The following PTPRD variants were observed in gnomAD, a reference collection of about 807,000 sequenced individuals.
The protein encoded by PTPRD is receptor-type tyrosine-protein phosphatase delta.
PTPRD carries 34 observed loss-of-function variants against 214.5 expected under a neutral mutation model. The ratio of observed to expected loss-of-function variants is 0.16; its 90% confidence interval spans 0.12 to 0.21. PTPRD has a LOEUF of 0.21. Ranked by LOEUF, PTPRD falls within the 10% of genes least tolerant of loss-of-function variation. The probability of loss-of-function intolerance (pLI) is 1.00; values close to 1 mark genes in which losing one functional copy is unlikely to be tolerated. For missense variants in PTPRD, 2,545 were observed against 2,398.7 expected (o/e 1.06, Z -1.27); for synonymous variants, 1,128 against 845.7 (o/e 1.33, Z -5.79).
At chr9:10,603,101 T>A (rs1313063483) in intron 2 of PTPRD, among the ~76,000 whole-genome samples, 2 of 151,770 alleles carry the variant, frequency 1.3e-5, no homozygotes, top group African/African-American at 4.8e-5. Flanking sequence ...CTGTAGAGGT[T>A]AGAGTGGTAG....
chr9:10,224,825 C>G (rs1006618850), intron 3 of PTPRD, among the ~76,000 whole-genome samples: 1 of 152,108 alleles, frequency 6.6e-6, no homozygotes, highest in African/African-American at 2.4e-5. Context: ...TGATCCACCT[C>G]TACTTAACAG....
chr9:8,776,540 T>A (rs1195358317), intron 11 of PTPRD, among the ~76,000 whole-genome samples: 3 of 150,624 alleles, frequency 2.0e-5, no homozygotes, highest in African/African-American at 7.5e-5. Context: ...TCAAGCGATC[T>A]GCCGGCCTCC....
intron 3 of PTPRD, among the ~76,000 whole-genome samples, chr9:10,245,445 A>G (rs1169532377): frequency 6.6e-6 from 1 of 152,194 alleles, no homozygotes; most frequent in African/African-American, 2.4e-5. Flanking sequence ...GACTCCGTAC[A>G]CAATGCATAC....
intron 30 of PTPRD, among the ~76,000 whole-genome samples, chr9:8,477,878 G>C (rs1471132844): frequency 6.6e-6 from 1 of 152,182 alleles, no homozygotes; most frequent in African/African-American, 2.4e-5. Context: ...TCAGAACATA[G>C]GCTCTGGAGC....
intron 2 of PTPRD, among the ~76,000 whole-genome samples, chr9:10,516,823 A>G (rs895644175): frequency 1.3e-5 from 2 of 151,926 alleles, no homozygotes; most frequent in African/African-American, 4.8e-5. Flanking sequence ...CATTTGCTGA[A>G]GAAACTATTA....
At position 8,502,334 on chromosome 9, in the gene PTPRD, T is replaced by C. The variant is rs182588438; in HGVS notation, c.1823-1275A>G. On this transcript the variant is annotated intron_variant, in intron 23 of 45. Coordinates refer to ENST00000381196, the MANE Select transcript of PTPRD (RefSeq NM_002839.4). ...GTAGACTGAATAAAGCAATCCTATA[T>C]TTCATATTTGAATGTGTAGTCTGGG... Among the ~76,000 whole-genome samples, 404 of 152,260 alleles carry C rather than the reference T, an allele frequency of 2.7e-3. 3 individuals carry two copies. Among genetic ancestry groups the C allele is most frequent in the African/African-American group, 9.1e-3 (377 of 41,564 alleles).
chr9:8,594,860 C>CTT (rs55766168), intron 14 of PTPRD, among the ~76,000 whole-genome samples: 44 of 130,564 alleles, frequency 3.4e-4, no homozygotes, highest in Non-Finnish European at 4.3e-4. Flanking sequence ...TGTTTAACCC[C>CTT]TTTTTTTTTT....
At chr9:10,256,901 C>G (rs953088762) in intron 3 of PTPRD, among the ~76,000 whole-genome samples, 6 of 152,192 alleles carry the variant, frequency 3.9e-5, no homozygotes, top group African/African-American at 1.4e-4. Flanking sequence ...TGGTTCTTCA[C>G]ATCTTAGTTC....
intron 3 of PTPRD, among the ~76,000 whole-genome samples, chr9:10,321,154 A>C (rs1409785350): frequency 6.6e-6 from 1 of 152,064 alleles, no homozygotes; most frequent in East Asian, 1.9e-4. Flanking sequence ...TGATTTCAGC[A>C]ACACTAATAA....
chr9:9,870,561 TTGAGA>T (rs773182009), intron 5 of PTPRD, among the ~76,000 whole-genome samples: 6 of 152,020 alleles, frequency 3.9e-5, no homozygotes, highest in Non-Finnish European at 8.8e-5. Flanking sequence ...CAAAATATTG[TTGAGA>T]TAATTATAGT....
At chr9:9,275,656 A>G (rs1945326771) in intron 9 of PTPRD, among the ~76,000 whole-genome samples, 1 of 151,114 alleles carries the variant, frequency 6.6e-6, no homozygotes, top group Admixed American at 6.6e-5. Context: ...CCCCCAGAAT[A>G]TTGTCTTTCT....
At chr9:8,871,733 C>G (rs1033236178) in intron 11 of PTPRD, among the ~76,000 whole-genome samples, 4 of 151,864 alleles carry the variant, frequency 2.6e-5, no homozygotes, top group African/African-American at 9.7e-5. Flanking sequence ...AACGTGTAGG[C>G]AAAAGACAAA....
At chr9:8,324,121 T>C (rs1831190536) in intron 44 of PTPRD, among the ~76,000 whole-genome samples, 1 of 150,812 alleles carries the variant, frequency 6.6e-6, no homozygotes, top group South Asian at 2.1e-4. Context: ...TTTTTTAAAC[T>C]TTAAGTTCTG....
chr9:8,825,115 G>A (rs951630633), intron 11 of PTPRD, among the ~76,000 whole-genome samples: 1 of 152,006 alleles, frequency 6.6e-6, no homozygotes, highest in African/African-American at 2.4e-5. Flanking sequence ...TTATGAGTTG[G>A]GTAAATTTCT....
At chr9:9,666,820 G>C (rs538336210) in intron 7 of PTPRD, among the ~76,000 whole-genome samples, 101 of 151,928 alleles carry the variant, frequency 6.6e-4, no homozygotes, top group Non-Finnish European at 1.3e-3. Context: ...CAACTCTAAG[G>C]ATAATTTTAG....
chr9:9,023,863 C>T (rs911366193), intron 10 of PTPRD, among the ~76,000 whole-genome samples: 1 of 152,000 alleles, frequency 6.6e-6, no homozygotes, highest in African/African-American at 2.4e-5. Flanking sequence ...TTTAATCTTA[C>T]AATTTACTTT....
At chr9:9,000,908 T>C (rs975360230) in intron 11 of PTPRD, among the ~76,000 whole-genome samples, 6 of 151,726 alleles carry the variant, frequency 4.0e-5, no homozygotes, top group African/African-American at 1.5e-4. Flanking sequence ...AATGGAGAGG[T>C]AGCAGGGAGA....
rs1485216836 is a variant in PTPRD at position 9,931,558 on chromosome 9, C to T, written c.-368+6949G>A. Among the ~76,000 whole-genome samples, 6 of 152,164 alleles carry T rather than the reference C, an allele frequency of 3.9e-5. No homozygotes were observed. In the South Asian group the frequency reaches 1.0e-3, roughly 26 times the overall value. ...GTGCACCAGGAGATTATATCCCGCA[C>T]GTGGCTCGGAGGGTCCTATGCCCAC... is the stretch of plus-strand genomic sequence containing the variant. On this transcript the variant is annotated intron_variant, in intron 5 of 45. Transcript: ENST00000381196.
chr9:9,261,238 T>C (rs2099979981), intron 9 of PTPRD, among the ~76,000 whole-genome samples: 1 of 151,898 alleles, frequency 6.6e-6, no homozygotes, highest in Admixed American at 6.6e-5. Flanking sequence ...AAATGAAGTG[T>C]CAACTTATCC....
Sources: allele counts gnomAD v4.1 joint callset (sites outside exome capture counted in the v4.1 genomes callset), GRCh38; gene constraint gnomAD v4.1.1; transcripts MANE v1.5; gene names NCBI Gene and HGNC (gene_info 2026-07-23, HGNC 2026-07-21).